Variants in ROBO1 observed in about 807,000 individuals in gnomAD.
The protein encoded by ROBO1 is roundabout homolog 1.
ROBO1 carries 149 observed loss-of-function variants against 195.9 expected under a neutral mutation model. The observed-to-expected ratio is 0.76, with a 90% confidence interval of 0.67 to 0.87. The LOEUF (loss-of-function observed/expected upper bound fraction) is 0.87. Among genes scored for constraint, ROBO1 ranks in the 40% least tolerant of loss-of-function variants. The pLI, the probability that ROBO1 is intolerant of heterozygous loss-of-function variation, is 0.00. For synonymous variants in ROBO1, 816 were observed against 733.2 expected (o/e 1.11, Z -1.82); for missense variants, 1,933 against 2,068.3 (o/e 0.93, Z 1.27).
intron 2 of ROBO1, among the ~76,000 whole-genome samples, chr3:79,537,097 C>CT (rs1484260657): frequency 1.4e-5 from 2 of 140,476 alleles, no homozygotes; most frequent in African/African-American, 6.2e-5. Context: ...ATCTTTCCTT[C>CT]TTTTTTCCTT....
At chr3:78,999,938 G>T (rs994433054) in intron 3 of ROBO1, among the ~76,000 whole-genome samples, 1 of 152,040 alleles carries the variant, frequency 6.6e-6, no homozygotes, top group African/African-American at 2.4e-5. Context: ...GACCCTAGTA[G>T]GAAGTACATT....
At chr3:79,306,944 A>C (rs1304690892) in intron 2 of ROBO1, among the ~76,000 whole-genome samples, 1 of 152,192 alleles carries the variant, frequency 6.6e-6, no homozygotes, top group African/African-American at 2.4e-5. Flanking sequence ...AAATCTGTCA[A>C]ATGTTTCAGT....
intron 2 of ROBO1, among the ~76,000 whole-genome samples, chr3:79,365,088 G>A (rs773460983): frequency 6.6e-6 from 1 of 152,034 alleles, no homozygotes; most frequent in Non-Finnish European, 1.5e-5. Context: ...ATATTTGTAC[G>A]TGAATTGCAT....
chr3:79,157,385 C>A (rs536942046), intron 2 of ROBO1, among the ~76,000 whole-genome samples: 1 of 151,988 alleles, frequency 6.6e-6, no homozygotes, highest in South Asian at 2.1e-4. Context: ...TGTTTAGAAA[C>A]CAACTGGGCA....
At chr3:78,606,709 T>A in intron 29 of ROBO1, 24 bp downstream of exon 29, 42 of 1,607,232 alleles carry the variant, frequency 2.6e-5, no homozygotes, top group Non-Finnish European at 3.6e-5. Flanking sequence ...TCTGTATTTA[T>A]TTGCTGCTTG....
At chr3:79,721,548 G>A (rs941122266) in intron 1 of ROBO1, among the ~76,000 whole-genome samples, 1 of 152,132 alleles carries the variant, frequency 6.6e-6, no homozygotes, top group African/African-American at 2.4e-5. Context: ...GTTAGCATAT[G>A]TCTATGCTTA....
Position 78,600,300 on chromosome 3 carries a change from AG to A in ROBO1, c.4753del (p.Leu1585TyrfsTer38), listed in dbSNP as rs1703096387. 3 of 1,602,052 alleles carry A rather than the reference AG, an allele frequency of 1.9e-6. No individual in the cohort carries two copies. In the Admixed American group the frequency reaches 5.0e-5, roughly 27 times the overall value. On this transcript the variant is annotated frameshift_variant, in exon 30 of 31. Transcript: ENST00000464233. LOFTEE classifies it high-confidence loss of function. ...AKTHLIQEDI[L>X]PYCRPTFPTS... ...TGGAAAAGTAGGTCTACAATAAGGT[AG>A]AATATCCTCTGTGTAATGAAATATA...
At chr3:79,722,200 T>C (rs1702736602) in intron 1 of ROBO1, among the ~76,000 whole-genome samples, 1 of 152,192 alleles carries the variant, frequency 6.6e-6, no homozygotes, top group South Asian at 2.1e-4. Context: ...AAAGTTAAAA[T>C]CAAAGATGTG....
At chr3:79,730,170 T>C (rs1703085899) in intron 1 of ROBO1, among the ~76,000 whole-genome samples, 1 of 152,208 alleles carries the variant, frequency 6.6e-6, no homozygotes. Context: ...CATTATCCTA[T>C]ACACTGTAAC....
chr3:79,194,358 C>A (rs926803898), intron 2 of ROBO1, among the ~76,000 whole-genome samples: 9 of 151,550 alleles, frequency 5.9e-5, no homozygotes, highest in Non-Finnish European at 1.2e-4. Context: ...GGAGATGTCA[C>A]GCAAAAAAGT....
chr3:79,746,487 G>A (rs1415597418), intron 1 of ROBO1, among the ~76,000 whole-genome samples: 3 of 151,888 alleles, frequency 2.0e-5, no homozygotes, highest in Non-Finnish European at 4.4e-5. Context: ...AAACAAACAT[G>A]TTGTAATAAG....
intron 2 of ROBO1, among the ~76,000 whole-genome samples, chr3:79,525,808 A>G (rs1000463947): frequency 8.6e-5 from 13 of 151,610 alleles, no homozygotes; most frequent in Admixed American, 5.9e-4. Flanking sequence ...GTTTCGCCAT[A>G]TGTTGTTCAG....
At chr3:78,630,714 T>C (rs915866220) in intron 25 of ROBO1, among the ~76,000 whole-genome samples, 1 of 152,116 alleles carries the variant, frequency 6.6e-6, no homozygotes, top group African/African-American at 2.4e-5. Context: ...TCCAGTAAAG[T>C]TTACATTTCT....
intron 2 of ROBO1, among the ~76,000 whole-genome samples, chr3:79,182,696 G>T (rs2081363298): frequency 6.6e-6 from 1 of 152,070 alleles, no homozygotes; most frequent in Admixed American, 6.6e-5. Flanking sequence ...CTCAACAGGG[G>T]TTAAGTGAGA....
chr3:79,521,574 A>G (rs1043044807), intron 2 of ROBO1, among the ~76,000 whole-genome samples: 13 of 152,198 alleles, frequency 8.5e-5, no homozygotes, highest in Non-Finnish European at 1.8e-4. Context: ...AAGTAACACT[A>G]TCGAAAAAAG....
intron 1 of ROBO1, among the ~76,000 whole-genome samples, chr3:79,753,010 C>A (rs923216313): frequency 2.0e-5 from 3 of 151,972 alleles, no homozygotes; most frequent in African/African-American, 7.2e-5. Flanking sequence ...AGTGACTGAT[C>A]ATTAGTTCAT....
At chr3:78,732,126 T>A (rs2082299563) in intron 5 of ROBO1, among the ~76,000 whole-genome samples, 1 of 152,138 alleles carries the variant, frequency 6.6e-6, no homozygotes, top group Non-Finnish European at 1.5e-5. Context: ...CTGAAGCTCA[T>A]TCTACATAGA....
chr3:78,909,502 C>T (rs758645955), intron 4 of ROBO1, among the ~76,000 whole-genome samples: 2 of 151,758 alleles, frequency 1.3e-5, no homozygotes, highest in Non-Finnish European at 3.0e-5. Flanking sequence ...ATACATTAAA[C>T]TCGATGACGT....
At chr3:79,044,096 A>C (rs1482270189) in intron 3 of ROBO1, among the ~76,000 whole-genome samples, 2 of 151,430 alleles carry the variant, frequency 1.3e-5, no homozygotes, top group East Asian at 3.9e-4. Context: ...CACACAAAAA[A>C]TACACTAACA....
Sources: gnomAD v4.1 joint callset for allele counts (sites outside exome capture counted in the v4.1 genomes callset) on GRCh38, gnomAD v4.1.1 for gene constraint, MANE v1.5 for transcripts, NCBI Gene and HGNC (gene_info 2026-07-23, HGNC 2026-07-21) for gene names.